The following PDE4A variants were observed in gnomAD, a reference collection of about 807,000 sequenced individuals.
The protein encoded by PDE4A is phosphodiesterase 4A.
In PDE4A, 21 loss-of-function variants were observed where a neutral mutation model predicts 73.9. That is an observed-to-expected ratio of 0.28 (90% CI 0.20 to 0.41). PDE4A has a LOEUF of 0.41. PDE4A is among the 10% of genes least tolerant of loss of function. The probability of loss-of-function intolerance (pLI) is 1.00; values close to 1 mark genes in which losing one functional copy is unlikely to be tolerated. For synonymous variants in PDE4A, 463 were observed against 505.4 expected, an observed-to-expected ratio of 0.92 and a Z score of 1.13; for missense variants, 958 against 1,211.4, an observed-to-expected ratio of 0.79 and a Z score of 3.10.
upstream of PDE4A, chr19:10,416,937 G>C: frequency 1.3e-6 from 2 of 1,542,060 alleles, no homozygotes; most frequent in Non-Finnish European, 1.7e-6. Flanking sequence ...GCGCTAGGTT[G>C]GCGAGATGAA....
At chr19:10,460,543 C>A (rs991039256) in intron 10 of PDE4A, among the ~76,000 whole-genome samples, 8 of 151,588 alleles carry the variant, frequency 5.3e-5, no homozygotes, top group Admixed American at 1.3e-4. Context: ...CACGGTGGCT[C>A]ACACTTGTAA....
At chr19:10,446,138 G>C in intron 1 of PDE4A, 80 bp from the exon 2 acceptor site, 1 of 1,500,482 alleles carries the variant, frequency 6.7e-7, no homozygotes, top group Non-Finnish European at 8.9e-7. Context: ...GTGAGCCACC[G>C]CACCCGGCCT....
Position 10,424,875 on chromosome 19 carries a change from CAG to C in PDE4A, c.320+3795_320+3796del, listed in dbSNP as rs1425612661. ...GGCTCTGCGCTTCCTGCCCGGGAAA[CAG>C]AGACCATGGGACTTGCCCAAGGTCA... On this transcript the variant is annotated intron_variant, in intron 1 of 14. Coordinates refer to ENST00000380702, the MANE Select transcript of PDE4A (RefSeq NM_001111307.2). The surrounding 1 kb of genome is among the most constrained non-coding windows in gnomAD (Gnocchi z 4.8). Among the ~76,000 whole-genome samples the C allele has an allele frequency of 2.0e-5, 3 of 152,250 alleles. No individual in the cohort carries two copies. The highest frequency in any genetic ancestry group is 4.8e-5 in the African/African-American group (2 of 41,478).
rs866588098 is a variant in PDE4A at position 10,440,888 on chromosome 19, A to G, written c.321-5330A>G. Among the ~76,000 whole-genome samples the G allele has an allele frequency of 9.6e-5, 14 of 145,372 alleles. No homozygotes were observed. The South Asian group carries it at 2.4e-3, about 25-fold the overall frequency. On this transcript the variant is annotated intron_variant, in intron 1 of 14. Transcript: ENST00000380702. ...GCTGGGATTACAGGCGTGAGCCACC[A>G]CGCCCAGCCAATTTTTTTTTTTTTT...
intron 3 of PDE4A, 34 bp downstream of exon 3, chr19:10,448,987 G>A: frequency 6.2e-7 from 1 of 1,612,684 alleles, no homozygotes; most frequent in Non-Finnish European, 8.5e-7. Flanking sequence ...AAGGAGAGAA[G>A]GGGCTCCAAT....
intron 1 of PDE4A, among the ~76,000 whole-genome samples, chr19:10,427,291 C>G (rs1004056820): frequency 6.6e-6 from 1 of 152,164 alleles, no homozygotes; most frequent in African/African-American, 2.4e-5. Flanking sequence ...CAGAGCAAGA[C>G]TCCGTCTAAC....
intron 1 of PDE4A, among the ~76,000 whole-genome samples, chr19:10,436,332 G>C (rs541934232): frequency 6.6e-6 from 1 of 152,242 alleles, no homozygotes; most frequent in South Asian, 2.1e-4. Flanking sequence ...GAGGCAGGTG[G>C]ATCACCTGAG....
upstream of PDE4A, chr19:10,417,090 AC>A: frequency 6.8e-7 from 1 of 1,474,316 alleles, no homozygotes; most frequent in Non-Finnish European, 9.0e-7. Context: ...TGGCTTCACT[AC>A]CTCCAAGCTG....
upstream of PDE4A, among the ~76,000 whole-genome samples, chr19:10,418,494 C>T (rs2042608807): frequency 6.6e-6 from 1 of 151,848 alleles, no homozygotes; most frequent in South Asian, 2.1e-4. Flanking sequence ...TTCGGCAGTT[C>T]CAATCCACCC....
At chr19:10,439,153 G>A (rs914140097) in intron 1 of PDE4A, among the ~76,000 whole-genome samples, 6 of 152,092 alleles carry the variant, frequency 3.9e-5, no homozygotes, top group South Asian at 4.2e-4. Context: ...GTGATTCTAC[G>A]TGTTTGTTTG....
intron 10 of PDE4A, among the ~76,000 whole-genome samples, chr19:10,460,753 G>T (rs1277933435): frequency 1.3e-5 from 2 of 150,436 alleles, no homozygotes; most frequent in African/African-American, 4.9e-5. Flanking sequence ...AGCCAAGATC[G>T]TGCCACTGCA....
At chr19:10,444,361 G>C (rs908252106) in intron 1 of PDE4A, among the ~76,000 whole-genome samples, 11 of 152,012 alleles carry the variant, frequency 7.2e-5, no homozygotes, top group African/African-American at 2.4e-4. Context: ...TGCCAGGCGT[G>C]GTGGTGCATG....
chr19:10,417,589 G>A (rs776464919), upstream of PDE4A: 8 of 1,502,992 alleles, frequency 5.3e-6, no homozygotes, highest in African/African-American at 4.1e-5. Context: ...CTAGGTAGGG[G>A]TGTTCTTGGG....
intron 4 of PDE4A, among the ~76,000 whole-genome samples, 181 bp downstream of exon 4, chr19:10,449,331 T>TTTTG (rs1298341686): frequency 1.3e-5 from 2 of 150,226 alleles, no homozygotes; most frequent in African/African-American, 5.0e-5. Flanking sequence ...CAGAGGTGTT[T>TTTTG]TTTGTTTGTT....
chr19:10,418,776 T>C, upstream of PDE4A: 1 of 985,182 alleles, frequency 1.0e-6, no homozygotes, highest in Non-Finnish European at 1.2e-6. Context: ...CGCTTCCAGA[T>C]CTCTAACCAA....
intron 2 of PDE4A, 81 bp downstream of exon 2, chr19:10,446,490 G>A (rs1394536777): frequency 6.6e-7 from 1 of 1,515,906 alleles, no homozygotes. Flanking sequence ...GGAGTCGGGG[G>A]GCACCCACCC....
intron 1 of PDE4A, among the ~76,000 whole-genome samples, chr19:10,437,809 T>G (rs1161483779): frequency 2.0e-5 from 3 of 147,730 alleles, no homozygotes; most frequent in Non-Finnish European, 3.0e-5. Flanking sequence ...CCAGGACTGT[T>G]TTTTTTTTTT....
chr19:10,436,157 G>A (rs927117563), intron 1 of PDE4A, among the ~76,000 whole-genome samples: 2 of 152,004 alleles, frequency 1.3e-5, no homozygotes, highest in Admixed American at 6.6e-5. Flanking sequence ...TGTTCCTCTC[G>A]CCTTCTCTGG....
rs140015877 is a variant in PDE4A at position 10,429,241 on chromosome 19, C to T, written c.320+8157C>T. ...AAAGGAAAAGAAAGAAAGAGAGGGA[C>T]GGAGGGGAAAGGAAAGGAAAGGAAA... On this transcript the variant is annotated intron_variant, in intron 1 of 14. Coordinates refer to ENST00000380702, the MANE Select transcript of PDE4A (RefSeq NM_001111307.2). Among the ~76,000 whole-genome samples the T allele has an allele frequency of 1.4e-3, 177 of 122,624 alleles. 3 individuals are homozygous for T. In the East Asian group the frequency reaches 0.029, roughly 20 times the overall value. 80.4% of individuals were successfully genotyped at this position (122,624 alleles called of 152,430 possible). A position where few individuals can be genotyped will look rare whatever the true frequency, so the allele number is the denominator to read the frequency against.
Sources: allele counts gnomAD v4.1 joint callset (sites outside exome capture counted in the v4.1 genomes callset), GRCh38; gene constraint gnomAD v4.1.1; non-coding constraint Gnocchi (gnomAD v3.1); transcripts MANE v1.5; gene names NCBI Gene and HGNC (gene_info 2026-07-23, HGNC 2026-07-21).